CCDC14: variants seen among roughly 807,000 people sequenced by gnomAD.
The protein encoded by CCDC14 is coiled-coil domain containing 14, also known as coiled-coil domain-containing protein 14.
Under a neutral mutation model 81.4 loss-of-function variants are expected in CCDC14, and 71 were observed. The ratio of observed to expected loss-of-function variants is 0.87; its 90% CI spans 0.72 to 1.06. The LOEUF (loss-of-function observed/expected upper bound fraction) is 1.06, where lower values mean the gene tolerates loss of function less well. Ranked by LOEUF, CCDC14 falls within the 50% of genes least tolerant of loss-of-function variation. The pLI is 0.00. For missense variants in CCDC14, 1,046 were observed against 1,047.3 expected, an observed-to-expected ratio of 1.00 and a Z score of 0.02; for synonymous variants, 332 against 364.8, an observed-to-expected ratio of 0.91 and a Z score of 1.03.
chr3:123,946,967 T>G lies in CCDC14; in HGVS notation c.1037A>C (p.Gln346Pro). ...ATNEEKCAREQIREATSERKD... is the reference protein window; with the variant it reads ...ATNEEKCAREPIREATSERKD... ...TCTTTCACTTGTGGCCTCTCTAATT[T>G]GCTCTCTGGCACATTTTTCTTCATT... The change falls in exon 8 of 13, where the codon CAA becomes CCA. Residue 346 changes from glutamine to proline, a missense_variant. By Grantham distance (76) the Gln-to-Pro change is moderately conservative. Transcript: ENST00000409697. 6.2e-7 allele frequency: 1 copy of G among 1,614,014 alleles called. No individual in the cohort carries two copies. Among genetic ancestry groups the G allele is most frequent in the Non-Finnish European group, 8.5e-7 (1 of 1,179,862 alleles).
intron 5 of CCDC14, among the ~76,000 whole-genome samples, chr3:123,907,810 T>C (rs1051827063): frequency 1.3e-5 from 2 of 151,898 alleles, no homozygotes; most frequent in Non-Finnish European, 2.9e-5. Flanking sequence ...AGTCTTAGCA[T>C]CCACTGTTTC....
At chr3:123,945,430 G>C (rs1048057240) in intron 8 of CCDC14, among the ~76,000 whole-genome samples, 4 of 151,994 alleles carry the variant, frequency 2.6e-5, no homozygotes, top group African/African-American at 9.7e-5. Flanking sequence ...ACTTTAGGGG[G>C]TTAATATGGC....
Position 123,931,127 on chromosome 3 carries a change from C to T in CCDC14, c.1753G>A (p.Val585Met), listed in dbSNP as rs773511056. The change falls in exon 12 of 13, where the codon GTG (valine) becomes ATG (methionine). Residue 585 changes from valine (V) to methionine (M), a missense_variant. Physicochemically the swap from Val to Met is conservative, Grantham distance 21. Coordinates refer to ENST00000409697, the MANE Select transcript of CCDC14 (RefSeq NM_001366335.1). Reference protein sequence around the residue: ...GITLRQRDAEVTRLRELTRTL... With the variant: ...GITLRQRDAEMTRLRELTRTL... Reference sequence around the variant, plus strand: ...CTGGTTAATTCTCTTAGTCGAGTCACCTCAGCATCACGCTGACGTAATGTT... The same window carrying T: ...CTGGTTAATTCTCTTAGTCGAGTCATCTCAGCATCACGCTGACGTAATGTT... The T allele has an allele frequency of 5.0e-6, 8 of 1,602,682 alleles. No individual in the cohort carries two copies. Among genetic ancestry groups the T allele is most frequent in the Non-Finnish European group, 5.9e-6 (7 of 1,177,234 alleles).
chr3:123,943,062 A>G (rs1230501876), intron 9 of CCDC14, among the ~76,000 whole-genome samples: 1 of 151,844 alleles, frequency 6.6e-6, no homozygotes, highest in East Asian at 1.9e-4. Flanking sequence ...TTTTATATAT[A>G]CATATTGTAT....
Position 123,913,639 on chromosome 3 carries a change from C to T in CCDC14, c.*1140G>A, listed in dbSNP as rs2034500711. On this transcript the variant is annotated 3_prime_UTR_variant, in exon 13 of 13. Coordinates refer to ENST00000409697, the MANE Select transcript of CCDC14 (RefSeq NM_001366335.1). ...TCTGAACATATCAAAGAGACTACAGCTGGCTCCTTCAAACGCTGTAGCACT... is the reference window on the plus strand; with the variant it reads ...TCTGAACATATCAAAGAGACTACAGTTGGCTCCTTCAAACGCTGTAGCACT... 1.0e-6 allele frequency: 1 copy of T among 982,516 alleles called. No individual in the cohort carries two copies. Among genetic ancestry groups the T allele is most frequent in the Non-Finnish European group, 1.2e-6 (1 of 829,294 alleles). The allele number at this position is 982,516 out of a possible 1,614,324, so 60.9% of individuals were successfully genotyped here.
Position 123,914,707 on chromosome 3 carries a change from A to AATTT in CCDC14, c.*71_*72insAAAT. The AATTT allele has an allele frequency of 1.4e-6, 2 of 1,448,510 alleles. No individual in the cohort carries two copies. The highest frequency in any genetic ancestry group is 3.1e-5 in the South Asian group (2 of 65,292). The allele number at this position is 1,448,510 out of a possible 1,614,324, so 89.7% of individuals were successfully genotyped here. On this transcript the variant is annotated 3_prime_UTR_variant, in exon 13 of 13. Transcript: ENST00000409697. Reference sequence around the variant, plus strand: ...AATAACATAAAACATCATTTCACTAAAGAAAAATACACATTCAATATAGCC... The same window carrying AATTT: ...AATAACATAAAACATCATTTCACTAAATTTAGAAAAATACACATTCAATATAGCC...
At chr3:123,960,263 G>A (rs1439793933) in intron 1 of CCDC14, among the ~76,000 whole-genome samples, 1 of 152,200 alleles carries the variant, frequency 6.6e-6, no homozygotes, top group Non-Finnish European at 1.5e-5. Flanking sequence ...TTTGTAGAAT[G>A]ACTTACAGTG....
Position 123,931,239 on chromosome 3 carries a change from A to G in CCDC14, c.1646-5T>C. 6.3e-7 allele frequency: 1 copy of G among 1,597,902 alleles called. No homozygotes were observed. The highest frequency in any genetic ancestry group is 8.5e-7 in the Non-Finnish European group (1 of 1,175,076). On this transcript the variant is annotated splice_polypyrimidine_tract_variant and splice_region_variant and intron_variant, in intron 11 of 12. Transcript: ENST00000409697. ...TGACTAGGGCTTCCTCCAATTCTAA[A>G]ACAACAAAAGTTTCAGTTTCCTTAT... is the stretch of plus-strand genomic sequence containing the variant.
At chr3:123,926,194 A>G (rs2035350088) in intron 12 of CCDC14, among the ~76,000 whole-genome samples, 1 of 152,164 alleles carries the variant, frequency 6.6e-6, no homozygotes, top group African/African-American at 2.4e-5. Context: ...AATTTCTGGA[A>G]ATTAGTAGCA....
downstream of CCDC14, among the ~76,000 whole-genome samples, chr3:123,912,389 T>C (rs1000693031): frequency 5.3e-5 from 8 of 152,308 alleles, no homozygotes; most frequent in South Asian, 1.7e-3. Context: ...TCCTCGCCTT[T>C]TTATTCTAAT....
chr3:123,888,767 C>G, the CCDC14 span, among the ~76,000 whole-genome samples: 2 of 152,128 alleles, frequency 1.3e-5, no homozygotes, highest in Admixed American at 6.6e-5. Context: ...ATCATGAGAA[C>G]AGCAAGGGGG....
rs1577273089 is a variant in CCDC14, at chr3:123,932,919, T to G, written c.1426+754A>C. Among the ~76,000 whole-genome samples the G allele has an allele frequency of 2.0e-5, 3 of 152,158 alleles. No homozygotes were observed. In the East Asian group the frequency reaches 5.8e-4, roughly 29 times the overall value. On this transcript the variant is annotated intron_variant, in intron 10 of 12. Transcript: ENST00000409697. The stretch of plus-strand genomic sequence containing the variant: ...TTCAAGACCAGCCTGGCCAACATGA[T>G]GAAACCCTGTCTCTAATAAAAATAC...
chr3:123,933,843 A>G, intron 9 of CCDC14, 88 bp from the exon 10 acceptor site: 2 of 868,094 alleles, frequency 2.3e-6, no homozygotes, highest in Non-Finnish European at 3.6e-6. Flanking sequence ...AAGATAAAAC[A>G]TAAACCCACT....
At chr3:123,905,202 A>T (rs1181310775) in intron 5 of CCDC14, among the ~76,000 whole-genome samples, 1 of 152,252 alleles carries the variant, frequency 6.6e-6, no homozygotes, top group Admixed American at 6.5e-5. Flanking sequence ...CCATAAAACT[A>T]CTGAGAAACC....
intron 7 of CCDC14, among the ~76,000 whole-genome samples, chr3:123,947,698 T>C (rs1246833133): frequency 1.3e-5 from 2 of 152,162 alleles, no homozygotes; most frequent in African/African-American, 4.8e-5. Context: ...GGCCTTGTAA[T>C]GCTCCCATAT....
At chr3:123,931,620 C>A in intron 10 of CCDC14, 94 bp from the exon 11 acceptor site, 1 of 641,462 alleles carries the variant, frequency 1.6e-6, no homozygotes, top group Non-Finnish European at 2.6e-6. Flanking sequence ...AAAAAAAGGC[C>A]TGAAATTTAT....
At chr3:123,957,973 A>T (rs1209784237) in intron 1 of CCDC14, 3 of 152,064 alleles carry the variant, frequency 2.0e-5, no homozygotes, top group Non-Finnish European at 2.9e-5. Flanking sequence ...GTTATACGGC[A>T]TTCTATTATA....
the CCDC14 span, among the ~76,000 whole-genome samples, chr3:123,888,677 T>C: frequency 6.6e-6 from 1 of 152,194 alleles, no homozygotes; most frequent in Non-Finnish European, 1.5e-5. Context: ...TTTCTTCATA[T>C]AGTGGCAGGA....
chr3:123,939,929 T>C (rs2036261889), intron 9 of CCDC14, among the ~76,000 whole-genome samples: 1 of 151,928 alleles, frequency 6.6e-6, no homozygotes, highest in Admixed American at 6.6e-5. Context: ...TTGGCACAGA[T>C]AGTGGTAATG....
Sources: gnomAD v4.1 joint callset for allele counts (sites outside exome capture counted in the v4.1 genomes callset) on GRCh38, gnomAD v4.1.1 for gene constraint, MANE v1.5 for transcripts, NCBI Gene and HGNC (gene_info 2026-07-23, HGNC 2026-07-21) for gene names.